ZNF568: variants seen among roughly 807,000 people sequenced by gnomAD.
ZNF568 encodes the protein zinc finger protein 568, also known as p53 inhibitor of SCO2 activation.
Under a neutral mutation model 18.1 loss-of-function variants are expected in ZNF568, and 11 were observed. The ratio of observed to expected loss-of-function variants is 0.61; its 90% CI spans 0.38 to 1.00. The LOEUF (loss-of-function observed/expected upper bound fraction) is 1.00. Ranked by LOEUF, ZNF568 falls within the 50% of genes least tolerant of loss-of-function variation. ZNF568 has a pLI of 0.01. For synonymous variants in ZNF568, 213 were observed against 246.6 expected, an observed-to-expected ratio of 0.86 and a Z score of 1.28; for missense variants, 639 against 768.2, an observed-to-expected ratio of 0.83 and a Z score of 1.99.
chr19:36,938,235 T>C (rs2073822171), intron 6 of ZNF568, among the ~76,000 whole-genome samples: 1 of 152,320 alleles, frequency 6.6e-6, no homozygotes, highest in South Asian at 2.1e-4. Context: ...GTTTTCCCAT[T>C]GTTGCTTTTA....
exon 5 of ZNF568, chr19:36,996,426 G>A (rs546867569): frequency 1.3e-6 from 2 of 1,536,410 alleles, no homozygotes; most frequent in East Asian, 4.9e-5. Context: ...TCAGATGCCA[G>A]GTGGAGAGAC....
At chr19:36,925,716 T>C (rs2073541519) in intron 4 of ZNF568, among the ~76,000 whole-genome samples, 1 of 152,270 alleles carries the variant, frequency 6.6e-6, no homozygotes, top group South Asian at 2.1e-4. Flanking sequence ...GTACTGAACA[T>C]GTACAGACTT....
chr19:36,950,407 T>C lies in ZNF568; in HGVS notation c.1254T>C (p.Tyr418=). 6.2e-7 allele frequency: 1 copy of C among 1,614,090 alleles called. No homozygotes were observed. Among genetic ancestry groups the C allele is most frequent in the African/African-American group, 1.3e-5 (1 of 75,050 alleles). The change falls in exon 7 of 7, where the codon TAT becomes TAC. Residue 418 remains tyrosine (Y), a synonymous_variant. Transcript: ENST00000333987. Reference sequence around the variant, plus strand: ...GAAGTCACACTGGTGAGAAACCCTATGTATGTAGTGAATGTGGGAAAGCCT... The same window carrying C: ...GAAGTCACACTGGTGAGAAACCCTACGTATGTAGTGAATGTGGGAAAGCCT... ...HMRSHTGEKP[Y]VCSECGKAFS...
intron 6 of ZNF568, chr19:36,973,607 G>C (rs901519521): frequency 1.3e-5 from 2 of 152,912 alleles, no homozygotes; most frequent in African/African-American, 2.4e-5. Flanking sequence ...GCGGCCCTGC[G>C]TCCTCTTGTC....
At chr19:36,941,532 C>G (rs911377398) in intron 6 of ZNF568, among the ~76,000 whole-genome samples, 3 of 152,158 alleles carry the variant, frequency 2.0e-5, no homozygotes, top group Non-Finnish European at 2.9e-5. Flanking sequence ...TTGGAGCTCT[C>G]TCCATATTTA....
downstream of ZNF568, chr19:36,997,708 A>G (rs1600868629): frequency 2.4e-6 from 2 of 840,822 alleles, no homozygotes; most frequent in Admixed American, 2.4e-5. Flanking sequence ...TTCAGGACAG[A>G]GGAGTGAATG....
chr19:36,987,946 CTT>C (rs1392418595), intron 2 of ZNF568, among the ~76,000 whole-genome samples: 1 of 151,684 alleles, frequency 6.6e-6, no homozygotes, highest in Non-Finnish European at 1.5e-5. Context: ...ACAAAATTCT[CTT>C]ATCCAAAAAT....
chr19:36,991,855 CGAT>C (rs2074427262), intron 4 of ZNF568: 3 of 1,557,964 alleles, frequency 1.9e-6, no homozygotes, highest in Non-Finnish European at 2.6e-6. Context: ...AGGTGAGTGA[CGAT>C]GAACTGGAAT....
chr19:36,996,197 G>A, intron 4 of ZNF568: 1 of 802,622 alleles, frequency 1.2e-6, no homozygotes, highest in Non-Finnish European at 1.9e-6. Flanking sequence ...CTTTTTTTTT[G>A]TAATTGCAGT....
intron 2 of ZNF568, among the ~76,000 whole-genome samples, chr19:36,918,987 T>A (rs80238998): frequency 6.6e-6 from 1 of 152,354 alleles, no homozygotes; most frequent in Admixed American, 6.5e-5. Context: ...GGCCGAATGA[T>A]AAGTATGTCA....
rs1350019622 is a variant in ZNF568, at chr19:36,936,953, A to C, written c.262+81A>C. On this transcript the variant is annotated intron_variant, in intron 5 of 6. Transcript: ENST00000333987. ...ATGTGTGAAGACTGTAACTTGCCAG[A>C]TGAATCTAGCCTTTCCTTTCTCCAT... The C allele has an allele frequency of 1.9e-6, 3 of 1,545,794 alleles. No individual in the cohort carries two copies. The African/African-American group carries it at 4.1e-5, about 21-fold the overall frequency.
chr19:36,996,831 A>G, exon 5 of ZNF568: 1 of 1,545,324 alleles, frequency 6.5e-7, no homozygotes, highest in Non-Finnish European at 8.7e-7. Flanking sequence ...GTTCCAGCTC[A>G]CAAATTAGTC....
intron 2 of ZNF568, among the ~76,000 whole-genome samples, chr19:36,988,892 A>G (rs73623526): frequency 0.013 from 1,992 of 152,204 alleles, 45 homozygotes; most frequent in African/African-American, 0.045. Context: ...TTTGTAATAT[A>G]CAATATTTTA....
Position 36,952,038 on chromosome 19 carries a change from C to CTTTTTTTT in ZNF568, c.*960_*967dup, listed in dbSNP as rs138419937. ...TGTCTATGACGTTGAGGCCAAGGAG[C>CTTTTTTTT]TTTTTTTTTTTTTTTTTCAAGACAA... On this transcript the variant is annotated 3_prime_UTR_variant, in exon 7 of 7. Transcript: ENST00000333987. 7.9e-6 allele frequency: 7 copies of CTTTTTTTT among 880,828 alleles called. No homozygotes were observed. Among genetic ancestry groups the CTTTTTTTT allele is most frequent in the Non-Finnish European group, 9.2e-6 (7 of 759,264 alleles). 54.6% of individuals were successfully genotyped at this position (880,828 alleles called of 1,614,324 possible).
At chr19:36,962,336 C>CTTTTTT (rs76251375) in intron 6 of ZNF568, among the ~76,000 whole-genome samples, 2 of 43,086 alleles carry the variant, frequency 4.6e-5, no homozygotes, top group Admixed American at 4.1e-4. Context: ...GCTTTTCTTT[C>CTTTTTT]TTTTTTTTTT....
At chr19:36,949,051 C>T (rs945653312) in intron 6 of ZNF568, among the ~76,000 whole-genome samples, 3 of 152,100 alleles carry the variant, frequency 2.0e-5, no homozygotes, top group Admixed American at 6.6e-5. Context: ...TTTACACTCA[C>T]GTCTCCTTTT....
chr19:36,935,214 G>A (rs1461962336), intron 4 of ZNF568, among the ~76,000 whole-genome samples: 3 of 152,036 alleles, frequency 2.0e-5, no homozygotes, highest in Non-Finnish European at 4.4e-5. Context: ...GGTATATGGT[G>A]TTTGAGTCTT....
downstream of ZNF568, chr19:36,997,346 G>A (rs148872903): frequency 1.6e-5 from 25 of 1,601,654 alleles, no homozygotes; most frequent in African/African-American, 9.4e-5. Context: ...GAACTTACCC[G>A]ACATCAGAGA....
At chr19:36,996,410 G>C in exon 5 of ZNF568, 1 of 1,536,368 alleles carries the variant, frequency 6.5e-7, no homozygotes. Flanking sequence ...AGAGTTATCA[G>C]AGAAATCAGA....
Sources: gnomAD v4.1 joint callset for allele counts (sites outside exome capture counted in the v4.1 genomes callset) on GRCh38, gnomAD v4.1.1 for gene constraint, MANE v1.5 for transcripts, NCBI Gene and HGNC (gene_info 2026-07-23, HGNC 2026-07-21) for gene names.